Variants in TRAF3 observed in about 807,000 individuals in gnomAD.
The protein encoded by TRAF3 is TNF receptor associated factor 3, also known as TNF receptor-associated factor 3.
In TRAF3, 13 loss-of-function variants were observed where a neutral mutation model predicts 62.3. The observed-to-expected ratio is 0.21, with a 90% CI of 0.14 to 0.33. The LOEUF is 0.33. Among genes scored for constraint, TRAF3 ranks in the 10% least tolerant of loss-of-function variants. The pLI is 1.00. For synonymous variants in TRAF3, 269 were observed against 283.4 expected (o/e 0.95, Z 0.51); for missense variants, 440 against 741.8 (o/e 0.59, Z 4.73).
At chr14:102,851,170 T>C (rs184741310) in intron 2 of TRAF3, among the ~76,000 whole-genome samples, 111 of 152,356 alleles carry the variant, frequency 7.3e-4, no homozygotes, top group African/African-American at 2.5e-3. Context: ...ACAATAATTA[T>C]TATAAATATT....
chr14:102,791,093 C>A (rs1209255929), intron 1 of TRAF3, among the ~76,000 whole-genome samples: 3 of 150,790 alleles, frequency 2.0e-5, no homozygotes, highest in South Asian at 4.2e-4. Flanking sequence ...AGTCTCGGCT[C>A]ACTGCAACCT....
At chr14:102,854,836 T>A (rs1023825112) in intron 2 of TRAF3, among the ~76,000 whole-genome samples, 3 of 146,072 alleles carry the variant, frequency 2.1e-5, no homozygotes, top group African/African-American at 7.7e-5. Context: ...TGTTTTAAAA[T>A]AAATTGTGGT....
At chr14:102,808,518 A>C (rs1898912754) in intron 1 of TRAF3, among the ~76,000 whole-genome samples, 2 of 151,886 alleles carry the variant, frequency 1.3e-5, no homozygotes, top group Admixed American at 1.3e-4. Flanking sequence ...ATCTCAAAAA[A>C]AAAAAAAAAG....
chr14:102,857,602 G>T (rs1190162114), intron 2 of TRAF3, among the ~76,000 whole-genome samples: 1 of 152,276 alleles, frequency 6.6e-6, no homozygotes, highest in East Asian at 1.9e-4. Flanking sequence ...TCCCAAGATG[G>T]CGTGGGGTTC....
At chr14:102,858,154 CT>C (rs59845933) in intron 2 of TRAF3, among the ~76,000 whole-genome samples, 38,018 of 145,444 alleles carry the variant, frequency 0.26, 5,562 homozygotes, top group African/African-American at 0.4. Context: ...CTCTGTTCTT[CT>C]TTTTTTTTTT....
At chr14:102,875,765 A>G in intron 5 of TRAF3, 37 bp downstream of exon 5, 35 of 1,550,142 alleles carry the variant, frequency 2.3e-5, no homozygotes, top group Non-Finnish European at 2.9e-5. Context: ...TTTTACATGA[A>G]GGAATTCGAG....
intron 1 of TRAF3, among the ~76,000 whole-genome samples, chr14:102,816,665 T>TA (rs1899544032): frequency 6.6e-6 from 1 of 152,258 alleles, no homozygotes; most frequent in African/African-American, 2.4e-5. Context: ...GACATTCTGT[T>TA]ACATGGTTGA....
intron 1 of TRAF3, among the ~76,000 whole-genome samples, chr14:102,789,157 G>A (rs1266906069): frequency 3.3e-5 from 5 of 151,962 alleles, no homozygotes; most frequent in Non-Finnish European, 7.4e-5. Flanking sequence ...TTAGCATGAT[G>A]TTTTTGAGGT....
Position 102,895,979 on chromosome 14 carries a change from C to T in TRAF3, c.820-1282C>T, listed in dbSNP as rs564036668. ...TAATTTTTTGTATTCTCGTCACGCT[C>T]TCATTATGTTGGCAGAGCTGTTCAA... On this transcript the variant is annotated intron_variant, in intron 9 of 11. Coordinates refer to ENST00000392745, the MANE Select transcript of TRAF3 (RefSeq NM_145725.3). Among the ~76,000 whole-genome samples the T allele has an allele frequency of 1.1e-3, 162 of 152,226 alleles. 1 individual carries two copies. Among genetic ancestry groups the T allele is most frequent in the African/African-American group, 3.8e-3 (157 of 41,508 alleles).
At chr14:102,848,313 C>A (rs911081550) in intron 2 of TRAF3, among the ~76,000 whole-genome samples, 4 of 152,126 alleles carry the variant, frequency 2.6e-5, no homozygotes, top group African/African-American at 9.7e-5. Flanking sequence ...CCTGTAGTCC[C>A]AGCTACATGG....
intron 2 of TRAF3, among the ~76,000 whole-genome samples, chr14:102,841,395 C>A (rs1012347263): frequency 1.3e-5 from 2 of 152,226 alleles, no homozygotes; most frequent in Non-Finnish European, 2.9e-5. Context: ...ACATCAGTTG[C>A]ACAGGGCTGG....
chr14:102,897,734 G>A (rs553137731), intron 10 of TRAF3, among the ~76,000 whole-genome samples: 1 of 152,316 alleles, frequency 6.6e-6, no homozygotes, highest in East Asian at 1.9e-4. Context: ...ATTTCATATT[G>A]TTCATGAGTA....
At chr14:102,875,121 C>T (rs1888570286) in intron 4 of TRAF3, among the ~76,000 whole-genome samples, 1 of 152,174 alleles carries the variant, frequency 6.6e-6, no homozygotes, top group South Asian at 2.1e-4. Flanking sequence ...TTTTACAAAT[C>T]ATTCCCCAAA....
At chr14:102,890,480 C>T (rs1296282238) in intron 8 of TRAF3, among the ~76,000 whole-genome samples, 2 of 152,116 alleles carry the variant, frequency 1.3e-5, no homozygotes, top group Admixed American at 6.6e-5. Flanking sequence ...CTGAGCCTCC[C>T]CTGTTCTGTC....
intron 2 of TRAF3, among the ~76,000 whole-genome samples, chr14:102,857,181 C>T (rs1887422358): frequency 1.3e-5 from 2 of 152,110 alleles, no homozygotes; most frequent in Middle Eastern, 3.2e-3. Context: ...TTTACATTAC[C>T]CATCTCTCTT....
At chr14:102,883,862 G>A (rs571158554) in intron 6 of TRAF3, among the ~76,000 whole-genome samples, 3 of 152,092 alleles carry the variant, frequency 2.0e-5, no homozygotes, top group East Asian at 1.9e-4. Context: ...CTGGGCTTCC[G>A]CACCCGGCCT....
chr14:102,856,433 C>G (rs1271166081), intron 2 of TRAF3, among the ~76,000 whole-genome samples: 2 of 152,114 alleles, frequency 1.3e-5, no homozygotes, highest in Non-Finnish European at 2.9e-5. Context: ...TGTCATGGTG[C>G]TGGTGGAAGT....
chr14:102,837,947 A>G (rs1886127599), intron 2 of TRAF3, among the ~76,000 whole-genome samples: 1 of 152,230 alleles, frequency 6.6e-6, no homozygotes, highest in African/African-American at 2.4e-5. Flanking sequence ...TTTCTAAGAT[A>G]ATTTGAGCGT....
chr14:102,794,219 AG>A (rs1263883291), intron 1 of TRAF3, among the ~76,000 whole-genome samples: 8 of 152,038 alleles, frequency 5.3e-5, no homozygotes, highest in African/African-American at 1.9e-4. Context: ...TCTTTTGCCC[AG>A]GCTGAGTACA....
Sources: gnomAD v4.1 joint callset for allele counts (sites outside exome capture counted in the v4.1 genomes callset) on GRCh38, gnomAD v4.1.1 for gene constraint, MANE v1.5 for transcripts, NCBI Gene and HGNC (gene_info 2026-07-23, HGNC 2026-07-21) for gene names.